BCAT1: variants seen among roughly 807,000 people sequenced by gnomAD.
The protein encoded by BCAT1 is branched chain amino acid transaminase 1.
A neutral mutation model predicts 52.4 loss-of-function variants in BCAT1; 48 were observed. That is an observed-to-expected ratio of 0.92 (90% CI 0.73 to 1.16). The LOEUF (loss-of-function observed/expected upper bound fraction) is 1.16, where lower values mean the gene tolerates loss of function less well. Among genes scored for constraint, BCAT1 ranks in the 50% most tolerant of loss-of-function variants. BCAT1 has a pLI of 0.00. For synonymous variants in BCAT1, 167 were observed against 161.3 expected (o/e 1.04, Z -0.27); for missense variants, 451 against 457.1 (o/e 0.99, Z 0.12).
rs535239649 is a variant in BCAT1, at chr12:24,898,610, G to A, written c.78+3204C>T. Among the ~76,000 whole-genome samples the A allele has an allele frequency of 2.4e-3, 320 of 131,134 alleles. 1 individual carries two copies. Among genetic ancestry groups the A allele is most frequent in the African/African-American group, 8.1e-3 (281 of 34,808 alleles). The allele number at this position is 131,134 out of a possible 152,430, so 86.0% of individuals were successfully genotyped here. On this transcript the variant is annotated intron_variant, in intron 2 of 10. Coordinates refer to ENST00000261192, the MANE Select transcript of BCAT1 (RefSeq NM_005504.7). ...GGCTCGCTGCAACCTCCGCCTCCCCGGTTCAAGCAAGTCTCAAGCCTCAGC... is the reference window on the plus strand; with the variant it reads ...GGCTCGCTGCAACCTCCGCCTCCCCAGTTCAAGCAAGTCTCAAGCCTCAGC...
rs528989827 is a variant in BCAT1, at chr12:24,883,243, G to A, written c.280-1832C>T. 4.3e-3 allele frequency among the ~76,000 whole-genome samples: 661 copies of A among 152,218 alleles called. 3 individuals carry two copies. The highest frequency in any genetic ancestry group is 7.9e-3 in the South Asian group (38 of 4,814). On this transcript the variant is annotated intron_variant, in intron 3 of 10. Transcript: ENST00000261192. Reference sequence around the variant, plus strand: ...GGAGATTGTGGTGAACCAAGATCACGCTGCTGCACTCCAGCCTGGTGACAG... The same window carrying A: ...GGAGATTGTGGTGAACCAAGATCACACTGCTGCACTCCAGCCTGGTGACAG...
At chr12:24,948,802 G>A (rs975510052) in intron 1 of BCAT1, 125 bp downstream of exon 1, 2 of 1,023,636 alleles carry the variant, frequency 2.0e-6, no homozygotes, top group Non-Finnish European at 2.9e-6. Flanking sequence ...AGACGTTTGC[G>A]GGGGATATAA....
intron 1 of BCAT1, among the ~76,000 whole-genome samples, chr12:24,916,796 C>T (rs1274822574): frequency 1.3e-5 from 2 of 152,230 alleles, no homozygotes; most frequent in Admixed American, 1.3e-4. Flanking sequence ...GCCTCGCCCT[C>T]CCAAGGTGCT....
intron 1 of BCAT1, among the ~76,000 whole-genome samples, chr12:24,944,269 C>A (rs1052974711): frequency 3.3e-5 from 5 of 152,184 alleles, no homozygotes; most frequent in African/African-American, 1.2e-4. Context: ...GAACTCACAT[C>A]TAGTCCTAAA....
intron 2 of BCAT1, among the ~76,000 whole-genome samples, chr12:24,896,297 TA>T (rs1942959158): frequency 6.6e-6 from 1 of 152,156 alleles, no homozygotes. Flanking sequence ...CTGGACTAGG[TA>T]GGGGGTCAGG....
At chr12:24,946,108 CCAAAAGATGTAACTAATACAAAGGCT>C (rs932843376) in intron 1 of BCAT1, among the ~76,000 whole-genome samples, 1 of 152,132 alleles carries the variant, frequency 6.6e-6, no homozygotes, top group African/African-American at 2.4e-5. Flanking sequence ...ACCTGAAACC[CCAAAAGATGTAACTAATACAAAGGCT>C]CAACATAGCT....
intron 5 of BCAT1, among the ~76,000 whole-genome samples, chr12:24,872,707 G>T (rs1455048183): frequency 1.3e-5 from 2 of 152,186 alleles, no homozygotes; most frequent in African/African-American, 4.8e-5. Flanking sequence ...CAAATCTGTG[G>T]TGGACAGCCT....
At chr12:24,840,563 T>G (rs1288996203) in intron 7 of BCAT1, among the ~76,000 whole-genome samples, 1 of 152,136 alleles carries the variant, frequency 6.6e-6, no homozygotes, top group Non-Finnish European at 1.5e-5. Flanking sequence ...CTGTATCTGG[T>G]TTTTCATATG....
chr12:24,835,318 A>G (rs2139399254), intron 8 of BCAT1, among the ~76,000 whole-genome samples: 1 of 152,294 alleles, frequency 6.6e-6, no homozygotes, highest in Non-Finnish European at 1.5e-5. Flanking sequence ...TCTTTTCCAG[A>G]GAAACCATGC....
chr12:24,862,840 T>C (rs939399129), intron 5 of BCAT1, among the ~76,000 whole-genome samples: 18 of 151,854 alleles, frequency 1.2e-4, no homozygotes, highest in Non-Finnish European at 2.1e-4. Context: ...AAAAATCTGA[T>C]GCTAGTCCTA....
intron 2 of BCAT1, among the ~76,000 whole-genome samples, chr12:24,898,309 A>G (rs1943005642): frequency 6.7e-6 from 1 of 149,380 alleles, no homozygotes; most frequent in Non-Finnish European, 1.5e-5. Context: ...GATGTTTCAC[A>G]TCATATGTTT....
Position 24,816,590 on chromosome 12 carries a change from C to CAA in BCAT1, c.*1416_*1417dup, listed in dbSNP as rs34453620. 0.012 allele frequency: 4,555 copies of CAA among 372,050 alleles called. 8 individuals carry two copies. The highest frequency in any genetic ancestry group is 0.022 in the East Asian group (594 of 26,420). The allele number at this position is 372,050 out of a possible 1,614,324, so 23.0% of individuals were successfully genotyped here. A position where few individuals can be genotyped will look rare whatever the true frequency, so the allele number is the denominator to read the frequency against. ...CAGAGTATGCCTCTTTGTTTTCTAC[C>CAA]AAAAAAAAAAAAAAAAGATTTATTT... is the stretch of plus-strand genomic sequence containing the variant. On this transcript the variant is annotated 3_prime_UTR_variant, in exon 11 of 11. Transcript: ENST00000261192.
intron 5 of BCAT1, among the ~76,000 whole-genome samples, chr12:24,860,974 C>A (rs1468179159): frequency 3.3e-5 from 5 of 152,176 alleles, no homozygotes. Context: ...ATTATTATTG[C>A]TATGCTTTAT....
intron 1 of BCAT1, among the ~76,000 whole-genome samples, chr12:24,924,733 C>T (rs1361397789): frequency 1.3e-5 from 2 of 151,706 alleles, no homozygotes; most frequent in African/African-American, 2.4e-5. Flanking sequence ...AATATGTAAA[C>T]AAAACAAACA....
chr12:24,866,490 C>T (rs573804027), intron 5 of BCAT1, among the ~76,000 whole-genome samples: 13 of 152,320 alleles, frequency 8.5e-5, no homozygotes, highest in South Asian at 2.1e-4. Flanking sequence ...TGCGGGTGCA[C>T]GGCGCGGGAC....
intron 6 of BCAT1, among the ~76,000 whole-genome samples, chr12:24,844,894 CAAAAAAAAAA>C (rs11318750): frequency 8.3e-5 from 3 of 35,998 alleles, no homozygotes; most frequent in Non-Finnish European, 1.5e-4. Context: ...GAGACTGTCT[CAAAAAAAAAA>C]AAAAAAAAAA....
chr12:24,875,293 T>C (rs1942301515), intron 5 of BCAT1, among the ~76,000 whole-genome samples: 1 of 152,230 alleles, frequency 6.6e-6, no homozygotes, highest in African/African-American at 2.4e-5. Context: ...ATATACATTA[T>C]TGGATGTTAT....
rs80008323 is a variant in BCAT1, at chr12:24,939,979, G to A, written c.6+8948C>T. Reference sequence around the variant, plus strand: ...TCAATCTTGATTATAATAAACTCACGTGTCAAAAATCAAATATATAAATAT... The same window carrying A: ...TCAATCTTGATTATAATAAACTCACATGTCAAAAATCAAATATATAAATAT... On this transcript the variant is annotated intron_variant, in intron 1 of 10. Coordinates refer to ENST00000261192, the MANE Select transcript of BCAT1 (RefSeq NM_005504.7). Among the ~76,000 whole-genome samples, 146 of 152,090 alleles carry A rather than the reference G, an allele frequency of 9.6e-4. 3 individuals carry two copies. The East Asian group carries it at 0.022, about 22-fold the overall frequency.
At chr12:24,855,807 T>G (rs1941662033) in intron 5 of BCAT1, among the ~76,000 whole-genome samples, 1 of 152,118 alleles carries the variant, frequency 6.6e-6, no homozygotes, top group Admixed American at 6.6e-5. Context: ...TTTTTATTTT[T>G]TTTAGAGACA....
Sources: gnomAD v4.1 joint callset for allele counts (sites outside exome capture counted in the v4.1 genomes callset) on GRCh38, gnomAD v4.1.1 for gene constraint, MANE v1.5 for transcripts, NCBI Gene and HGNC (gene_info 2026-07-23, HGNC 2026-07-21) for gene names.